MORN3: variants seen among roughly 807,000 people sequenced by gnomAD.
MORN3 encodes MORN repeat containing 3.
MORN3 carries 38 observed loss-of-function variants against 34.7 expected under a neutral mutation model. The ratio of observed to expected loss-of-function variants is 1.10; its 90% CI spans 0.85 to 1.44. The LOEUF is 1.44. MORN3 is among the 40% of genes most tolerant of loss of function. MORN3 has a pLI of 0.00. For missense variants in MORN3, 311 were observed against 321.7 expected, an observed-to-expected ratio of 0.97 and a Z score of 0.25; for synonymous variants, 109 against 115.3, an observed-to-expected ratio of 0.95 and a Z score of 0.35.
rs1483911812 is a variant in MORN3, at chr12:121,653,089, A to G, written c.634T>C (p.Phe212Leu). 2 of 1,611,948 alleles carry G rather than the reference A, an allele frequency of 1.2e-6. No individual in the cohort carries two copies. Among genetic ancestry groups the G allele is most frequent in the Non-Finnish European group, 1.7e-6 (2 of 1,179,266 alleles). The change falls in exon 4 of 6, where the codon TTC (phenylalanine) becomes CTC (leucine). Residue 212 changes from phenylalanine (F) to leucine (L), a missense_variant. Transcript: ENST00000355329. ...GGGCTGCCCACCTCAGGAATGGGGA[A>G]CTGAGTGGGCTCAGGGGCCTCGTCA... The part of the protein sequence containing the change: ...GRDEAPEPTQ[F>L]PIPEVKILDP...
chr12:121,662,080 TA>T (rs1180304034), intron 1 of MORN3, among the ~76,000 whole-genome samples: 1 of 151,966 alleles, frequency 6.6e-6, no homozygotes, highest in African/African-American at 2.4e-5. Context: ...ATAGAAACAG[TA>T]AAATAGCAAT....
intron 1 of MORN3, among the ~76,000 whole-genome samples, chr12:121,662,162 A>G (rs1010893131): frequency 6.6e-6 from 1 of 151,828 alleles, no homozygotes; most frequent in Non-Finnish European, 1.5e-5. Flanking sequence ...TTGTTACAAG[A>G]TGTACAAGAT....
intron 2 of MORN3, 68 bp from the exon 3 acceptor site, chr12:121,654,501 C>A: frequency 1.3e-6 from 2 of 1,488,174 alleles, no homozygotes; most frequent in South Asian, 1.3e-5. Flanking sequence ...ACCGTCTTCC[C>A]AGGCACCCCT....
rs557509970 is a variant in MORN3, at chr12:121,659,136, C to T, written c.303+55G>A. On this transcript the variant is annotated intron_variant, in intron 2 of 5. Coordinates refer to ENST00000355329, the MANE Select transcript of MORN3 (RefSeq NM_173855.5). ...TCGGCTTCCCCTAAACACACACGCG[C>T]GCACACACACACACACACACACACA... 43 of 1,457,362 alleles carry T rather than the reference C, an allele frequency of 3.0e-5. No homozygotes were observed. The African/African-American group carries it at 8.0e-4, about 27-fold the overall frequency. The allele number at this position is 1,457,362 out of a possible 1,614,324, so 90.3% of individuals were successfully genotyped here.
Position 121,655,955 on chromosome 12 carries a change from A to G in MORN3, c.304-1522T>C, listed in dbSNP as rs1555325654. Among the ~76,000 whole-genome samples, 4 of 152,198 alleles carry G rather than the reference A, an allele frequency of 2.6e-5. No homozygotes were observed. The East Asian group carries it at 7.7e-4, about 29-fold the overall frequency. On this transcript the variant is annotated intron_variant, in intron 2 of 5. Transcript: ENST00000355329. ...CTGAGGCAGGAGAAGGCCGTGAACC[A>G]GGAGGCGGAGCTTGCAGTGAGCCAA...
At chr12:121,660,754 CACCTCTCAG>C (rs1893559506) in intron 1 of MORN3, among the ~76,000 whole-genome samples, 2 of 151,496 alleles carry the variant, frequency 1.3e-5, no homozygotes, top group South Asian at 4.2e-4. Flanking sequence ...CTGCAACTTC[CACCTCTCAG>C]GTACAAGCAA....
chr12:121,664,540 C>T (rs545507164), intron 1 of MORN3, among the ~76,000 whole-genome samples: 165 of 152,308 alleles, frequency 1.1e-3, no homozygotes, highest in African/African-American at 3.8e-3. Flanking sequence ...GGGCGGATCA[C>T]TTGAGGTCGG....
chr12:121,663,888 G>C (rs1893662426), intron 1 of MORN3, among the ~76,000 whole-genome samples: 1 of 151,912 alleles, frequency 6.6e-6, no homozygotes, highest in Non-Finnish European at 1.5e-5. Flanking sequence ...CGTTTGTCCT[G>C]CCCCTCACTT....
At chr12:121,667,982 CA>C (rs1306229756) in intron 1 of MORN3, among the ~76,000 whole-genome samples, 1 of 152,006 alleles carries the variant, frequency 6.6e-6, no homozygotes, top group Non-Finnish European at 1.5e-5. Context: ...CTCGGCTTCC[CA>C]AAGTGCTGGG....
At chr12:121,666,029 T>C (rs1893743846) in intron 1 of MORN3, among the ~76,000 whole-genome samples, 1 of 151,754 alleles carries the variant, frequency 6.6e-6, no homozygotes, top group Non-Finnish European at 1.5e-5. Context: ...ACTTATCAAG[T>C]AGGAAAATAA....
In MORN3 at chr12:121,653,138, G is replaced by C; in HGVS notation, c.585C>G (p.Cys195Trp). 1 of 1,614,118 alleles carries C rather than the reference G, an allele frequency of 6.2e-7. No individual in the cohort carries two copies. The highest frequency in any genetic ancestry group is 1.6e-4 in the Middle Eastern group (1 of 6,062). The change falls in exon 4 of 6, where the codon TGC becomes TGG. Residue 195 changes from cysteine (C) to tryptophan (W), a missense_variant. Transcript: ENST00000355329. ...CACGGCCAAAGTCGATCATCGTCCC[G>C]CATTTGGCCATATTGTCCACCCAGA... ...EGFWVDNMAK[C>W]GTMIDFGRDE...
chr12:121,662,044 T>C (rs1400771701), intron 1 of MORN3, among the ~76,000 whole-genome samples: 1 of 152,026 alleles, frequency 6.6e-6, no homozygotes, highest in African/African-American at 2.4e-5. Flanking sequence ...ATTTTACTTA[T>C]ATGTGGAATC....
Position 121,669,529 on chromosome 12 carries a change from G to A in MORN3, c.-46C>T. On this transcript the variant is annotated 5_prime_UTR_variant, in exon 1 of 6. Coordinates refer to ENST00000355329, the MANE Select transcript of MORN3 (RefSeq NM_173855.5). ...TGGAGGGTGCTGGAAAGGGGTTAGG[G>A]ACATCTGGGGCTCAGCGCGCCCCGT... 6.2e-7 allele frequency: 1 copy of A among 1,608,624 alleles called. No homozygotes were observed. The highest frequency in any genetic ancestry group is 8.5e-7 in the Non-Finnish European group (1 of 1,176,934).
chr12:121,665,278 CTTTTTTTTTTTTTTT>C (rs767525874), intron 1 of MORN3, among the ~76,000 whole-genome samples: 2 of 50,634 alleles, frequency 3.9e-5, no homozygotes, highest in African/African-American at 1.5e-4. Context: ...TTTTTCTTTC[CTTTTTTTTTTTTTTT>C]TTTTTTTTTT....
At chr12:121,664,823 G>C (rs1893690373) in intron 1 of MORN3, among the ~76,000 whole-genome samples, 1 of 140,586 alleles carries the variant, frequency 7.1e-6, no homozygotes, top group Non-Finnish European at 1.5e-5. Flanking sequence ...TGAGGGGCAG[G>C]ACAGGCGAAA....
chr12:121,660,051 T>G (rs151211042), intron 1 of MORN3, among the ~76,000 whole-genome samples: 5,766 of 151,346 alleles, frequency 0.038, 219 homozygotes, highest in African/African-American at 0.094. Context: ...CTGACCAAAA[T>G]GGCGAAACCC....
chr12:121,669,658 CT>C (rs1431074621), upstream of MORN3: 13 of 860,320 alleles, frequency 1.5e-5, no homozygotes, highest in Non-Finnish European at 1.0e-5. Flanking sequence ...CTGGACTGAC[CT>C]TTGGTTGGCC....
At chr12:121,653,496 T>C (rs1250900975) in intron 3 of MORN3, among the ~76,000 whole-genome samples, 1 of 152,172 alleles carries the variant, frequency 6.6e-6, no homozygotes, top group South Asian at 2.1e-4. Flanking sequence ...TCCCAGCTAC[T>C]CTGGAGGCTG....
chr12:121,656,658 C>T (rs1283207721), intron 2 of MORN3, among the ~76,000 whole-genome samples: 1 of 152,050 alleles, frequency 6.6e-6, no homozygotes, highest in Non-Finnish European at 1.5e-5. Context: ...ACTACAGGTA[C>T]ACACCACTAT....
Sources: gnomAD v4.1 joint callset for allele counts (sites outside exome capture counted in the v4.1 genomes callset) on GRCh38, gnomAD v4.1.1 for gene constraint, MANE v1.5 for transcripts, NCBI Gene and HGNC (gene_info 2026-07-23, HGNC 2026-07-21) for gene names.